The following FRMPD4 variants were observed in gnomAD, a reference collection of about 807,000 sequenced individuals.
FRMPD4 encodes the protein FERM and PDZ domain-containing protein 4.
Under a neutral mutation model 94.1 loss-of-function variants are expected in FRMPD4, and 22 were observed. That is an observed-to-expected ratio of 0.23 (90% CI 0.17 to 0.33). FRMPD4 has a LOEUF of 0.33. Ranked by LOEUF, FRMPD4 falls within the 10% of genes least tolerant of loss-of-function variation. FRMPD4 has a pLI of 1.00. For missense variants in FRMPD4, 1,111 were observed against 1,339.9 expected, an observed-to-expected ratio of 0.83 and a Z score of 2.67; for synonymous variants, 631 against 548.6, an observed-to-expected ratio of 1.15 and a Z score of -2.10.
intron 3 of FRMPD4, among the ~76,000 whole-genome samples, chrX:11,979,892 T>C (rs2054388231): frequency 8.9e-6 from 1 of 112,066 alleles, no homozygotes; most frequent in Non-Finnish European, 1.9e-5. Context: ...ATCCAAATAT[T>C]CCTTTATGTT....
At chrX:12,274,976 T>C (rs2054413577) in intron 1 of FRMPD4, among the ~76,000 whole-genome samples, 1 of 111,982 alleles carries the variant, frequency 8.9e-6, no homozygotes, top group Non-Finnish European at 1.9e-5. Flanking sequence ...GCCACTGCAC[T>C]CCAGCCCGGG....
chrX:12,472,023 T>A (rs900517723), intron 1 of FRMPD4, among the ~76,000 whole-genome samples: 3 of 112,667 alleles, frequency 2.7e-5, no homozygotes, highest in Admixed American at 9.4e-5. Context: ...CACTTAAAAC[T>A]GTGCTGGGCA....
intron 1 of FRMPD4, among the ~76,000 whole-genome samples, chrX:12,346,812 T>TA (rs2055719695): frequency 8.9e-6 from 1 of 112,379 alleles, no homozygotes; most frequent in African/African-American, 3.2e-5. Context: ...CCCCTTCTCT[T>TA]AAAAAAGTCA....
At chrX:11,882,406 T>C (rs937249143) in intron 3 of FRMPD4, among the ~76,000 whole-genome samples, 1 of 111,186 alleles carries the variant, frequency 9.0e-6, no homozygotes, top group African/African-American at 3.3e-5. Flanking sequence ...AACAGATTTA[T>C]AGAGGACCTT....
intron 1 of FRMPD4, among the ~76,000 whole-genome samples, chrX:12,477,800 T>C: frequency 8.8e-6 from 1 of 113,139 alleles, no homozygotes; most frequent in Middle Eastern, 4.6e-3. Flanking sequence ...ATGAGCTATC[T>C]ACAAAATATT....
chrX:12,682,913 T>C (rs1207860706), intron 5 of FRMPD4, among the ~76,000 whole-genome samples: 1 of 111,894 alleles, frequency 8.9e-6, no homozygotes, highest in Non-Finnish European at 1.9e-5. Context: ...GATCACAAGT[T>C]ACCAAGAAGA....
At chrX:12,668,857 G>A (rs967261978) in intron 4 of FRMPD4, among the ~76,000 whole-genome samples, 4 of 110,820 alleles carry the variant, frequency 3.6e-5, no homozygotes, top group Admixed American at 9.6e-5. Flanking sequence ...CACCCGCCTC[G>A]GCCTCCCAAA....
In FRMPD4 at chrX:11,888,509, G is replaced by A. The variant is rs773174572; in HGVS notation, c.95+10491G>A. 2.7e-5 allele frequency among the ~76,000 whole-genome samples: 3 copies of A among 112,114 alleles called. No homozygotes were observed. In the South Asian group the frequency reaches 1.1e-3, roughly 41 times the overall value. On this transcript the variant is annotated intron_variant, in intron 3 of 18. Transcript: ENST00000640291. ...AAGGACATCTGATACTTTCTAGAAT[G>A]TATTTGTCAATAGGGCTGTTTCATT...
At chrX:12,413,952 A>G (rs1171577426) in intron 1 of FRMPD4, among the ~76,000 whole-genome samples, 2 of 112,423 alleles carry the variant, frequency 1.8e-5, no homozygotes, top group African/African-American at 3.2e-5. Flanking sequence ...TGTCTAGGTG[A>G]TAATTTTTTT....
At chrX:11,870,292 C>G (rs188794091) in intron 2 of FRMPD4, among the ~76,000 whole-genome samples, 18 of 111,827 alleles carry the variant, frequency 1.6e-4, no homozygotes, top group African/African-American at 4.5e-4. Context: ...CCACCCCTCA[C>G]GTTTGTGTGG....
chrX:11,870,417 G>A (rs1423774897), intron 2 of FRMPD4, among the ~76,000 whole-genome samples: 3 of 111,968 alleles, frequency 2.7e-5, no homozygotes, highest in Non-Finnish European at 5.6e-5. Flanking sequence ...ATGTTGATGT[G>A]GATGGGGGAT....
intron 3 of FRMPD4, among the ~76,000 whole-genome samples, chrX:11,988,331 T>TA (rs2054444666): frequency 9.0e-6 from 1 of 111,506 alleles, no homozygotes; most frequent in Non-Finnish European, 1.9e-5. Flanking sequence ...AGAAATACAT[T>TA]AGGGGAAAAG....
chrX:12,675,047 C>T (rs2059884411), intron 5 of FRMPD4, 139 bp downstream of exon 5: 1 of 500,526 alleles, frequency 2.0e-6, no homozygotes, highest in Admixed American at 3.0e-5. Flanking sequence ...AAAATCTTGA[C>T]TATTTTTGTA....
intron 3 of FRMPD4, among the ~76,000 whole-genome samples, chrX:12,007,562 T>G (rs1330652901): frequency 4.5e-5 from 5 of 111,775 alleles, no homozygotes; most frequent in African/African-American, 1.6e-4. Flanking sequence ...TGACCTTGGA[T>G]GTGTCCTCTC....
chrX:12,036,931 A>G (rs1167373102), intron 3 of FRMPD4, among the ~76,000 whole-genome samples: 1 of 112,356 alleles, frequency 8.9e-6, no homozygotes, highest in Non-Finnish European at 1.9e-5. Context: ...ATCTGTTTTC[A>G]TATTTCACCA....
chrX:12,220,006 T>G (rs1176312394), intron 1 of FRMPD4, among the ~76,000 whole-genome samples: 3 of 111,592 alleles, frequency 2.7e-5, no homozygotes, highest in Non-Finnish European at 5.6e-5. Context: ...CCTGGCGTGG[T>G]GGCACATGCC....
chrX:12,580,665 C>T (rs764392556), intron 2 of FRMPD4, among the ~76,000 whole-genome samples: 7 of 111,330 alleles, frequency 6.3e-5, no homozygotes, highest in African/African-American at 9.8e-5. Flanking sequence ...GTGATATAGA[C>T]GTTGTGGCAT....
At chrX:12,516,710 C>A (rs1276800037) in intron 2 of FRMPD4, among the ~76,000 whole-genome samples, 1 of 110,617 alleles carries the variant, frequency 9.0e-6, no homozygotes. Flanking sequence ...CTGGGGTTCT[C>A]TAGATTTACT....
rs1171799513 is a variant in FRMPD4, at chrX:12,621,968, GAGAA to G, written c.422+7134_422+7137del. Among the ~76,000 whole-genome samples, 236 of 41,024 alleles carry G rather than the reference GAGAA, an allele frequency of 5.8e-3. 2 individuals carry two copies. Among genetic ancestry groups the G allele is most frequent in the African/African-American group, 0.012 (114 of 9,355 alleles). The allele number at this position is 41,024 out of a possible 115,157, so 35.6% of individuals were successfully genotyped here. On this transcript the variant is annotated intron_variant, in intron 4 of 16. Transcript: ENST00000675598. ...AGAGAGAGAGAGAGAAAGAAAGAAA[GAGAA>G]AGAAAGAAAGAAAGAAAGAAAGAAA...
Sources: gnomAD v4.1 joint callset for allele counts (sites outside exome capture counted in the v4.1 genomes callset) on GRCh38, gnomAD v4.1.1 for gene constraint, MANE v1.5 for transcripts, NCBI Gene and HGNC (gene_info 2026-07-23, HGNC 2026-07-21) for gene names.